The following NPEPPS variants were observed in gnomAD, a reference collection of about 807,000 sequenced individuals.
NPEPPS encodes the protein aminopeptidase puromycin sensitive.
In NPEPPS, 14 loss-of-function variants were observed where a neutral mutation model predicts 115.5. The ratio of observed to expected loss-of-function variants is 0.12; its 90% CI spans 0.08 to 0.19. The LOEUF is 0.19. Among genes scored for constraint, NPEPPS ranks in the 10% least tolerant of loss-of-function variants. The pLI is 1.00. For synonymous variants in NPEPPS, 285 were observed against 390.6 expected, an observed-to-expected ratio of 0.73 and a Z score of 3.19; for missense variants, 523 against 1,110.8, an observed-to-expected ratio of 0.47 and a Z score of 7.52.
At chr17:47,591,128 T>C (rs1220630922) in intron 10 of NPEPPS, among the ~76,000 whole-genome samples, 1 of 152,162 alleles carries the variant, frequency 6.6e-6, no homozygotes, top group Non-Finnish European at 1.5e-5. Context: ...TCCTAGCATT[T>C]TGGGAGGCTG....
intron 3 of NPEPPS, among the ~76,000 whole-genome samples, chr17:47,574,843 CAG>C (rs1416992324): frequency 6.6e-6 from 1 of 152,084 alleles, no homozygotes; most frequent in East Asian, 1.9e-4. Flanking sequence ...CCTCCTACCT[CAG>C]AGAGAGGATC....
In NPEPPS at chr17:47,618,387, G is replaced by C. The variant is rs771739427; in HGVS notation, c.2333G>C (p.Arg778Pro). 1 of 1,613,654 alleles carries C rather than the reference G, an allele frequency of 6.2e-7. No individual in the cohort carries two copies. The highest frequency in any genetic ancestry group is 8.5e-7 in the Non-Finnish European group (1 of 1,179,764). ...GCAGATATGCAAGAAGAGAAAAACC[G>C]AATCGAAAGAGTCCTTGGCGCTACT... ...KQADMQEEKN[R>P]IERVLGATLL... Residue 778 changes from arginine to proline, a missense_variant, in exon 20 of 23, where the codon CGA becomes CCA. By Grantham distance (103) the Arg-to-Pro change is moderately radical (BLOSUM62 -2). Coordinates refer to ENST00000322157, the MANE Select transcript of NPEPPS (RefSeq NM_006310.4).
At chr17:47,546,561 CAG>C (rs895291973) in intron 2 of NPEPPS, among the ~76,000 whole-genome samples, 7 of 151,696 alleles carry the variant, frequency 4.6e-5, no homozygotes. Context: ...TTTTTTGAGA[CAG>C]AGTCTTGCTC....
intron 1 of NPEPPS, among the ~76,000 whole-genome samples, chr17:47,523,704 T>G (rs1210307930): frequency 6.6e-6 from 1 of 152,124 alleles, no homozygotes; most frequent in Non-Finnish European, 1.5e-5. Context: ...ATTACAAGCA[T>G]GAACCACCAT....
intron 17 of NPEPPS, among the ~76,000 whole-genome samples, chr17:47,606,363 C>CTAA (rs1392288301): frequency 1.3e-5 from 2 of 152,008 alleles, no homozygotes; most frequent in Non-Finnish European, 2.9e-5. Flanking sequence ...TTATCATCTG[C>CTAA]TAATAACTAA....
intron 9 of NPEPPS, among the ~76,000 whole-genome samples, chr17:47,587,881 T>TC (rs1912287686): frequency 6.6e-6 from 1 of 151,404 alleles, no homozygotes; most frequent in Non-Finnish European, 1.5e-5. Flanking sequence ...TTCCAGCTGT[T>TC]CTGTTGAAAT....
At chr17:47,600,327 C>T (rs1015668575) in intron 14 of NPEPPS, among the ~76,000 whole-genome samples, 7 of 152,106 alleles carry the variant, frequency 4.6e-5, no homozygotes, top group African/African-American at 1.7e-4. Context: ...GTCCCTGCTA[C>T]TTGGGAGCCT....
chr17:47,524,871 G>T, intron 1 of NPEPPS, among the ~76,000 whole-genome samples: 1 of 139,954 alleles, frequency 7.1e-6, no homozygotes, highest in Non-Finnish European at 1.5e-5. Flanking sequence ...TTGAACTCTT[G>T]GCCTCAAGTC....
chr17:47,566,799 G>T (rs1910847341), intron 2 of NPEPPS, among the ~76,000 whole-genome samples: 1 of 152,132 alleles, frequency 6.6e-6, no homozygotes. Context: ...GCTAGGCCAG[G>T]CATGGTGGCT....
At position 47,569,539 on chromosome 17, in the gene NPEPPS, C is replaced by T. The variant is rs761880569; in HGVS notation, c.418+45C>T. ...TAAAATCTCGTGATGAATATAGTGA[C>T]ATCTGACTTCCTCCAGAGAAATTTA... On this transcript the variant is annotated intron_variant, in intron 3 of 22. Coordinates refer to ENST00000322157, the MANE Select transcript of NPEPPS (RefSeq NM_006310.4). 3.4e-5 allele frequency: 30 copies of T among 880,496 alleles called. No homozygotes were observed. The South Asian group carries it at 3.6e-4, about 11-fold the overall frequency. The allele number at this position is 880,496 out of a possible 1,614,324, so 54.5% of individuals were successfully genotyped here.
chr17:47,622,743 G>T lies in NPEPPS; in HGVS notation c.*823G>T. The T allele has an allele frequency of 5.0e-6, 2 of 398,936 alleles. No individual in the cohort carries two copies. Among genetic ancestry groups the T allele is most frequent in the Non-Finnish European group, 9.5e-6 (2 of 210,418 alleles). 24.7% of individuals were successfully genotyped at this position (398,936 alleles called of 1,614,324 possible). The stretch of plus-strand genomic sequence containing the variant: ...TTTTCTTTTTAAAGATGACTTATAA[G>T]AACCCTGAAATTTATATAGGTGAGA... On this transcript the variant is annotated 3_prime_UTR_variant, in exon 23 of 23. Transcript: ENST00000322157.
At chr17:47,592,798 T>C (rs1293102582) in intron 12 of NPEPPS, 9 of 353,344 alleles carry the variant, frequency 2.5e-5, no homozygotes, top group Non-Finnish European at 4.3e-5. Flanking sequence ...ATGTGCACAA[T>C]GTGCAGGTTT....
At chr17:47,534,358 C>A (rs930725741) in intron 1 of NPEPPS, among the ~76,000 whole-genome samples, 3 of 152,094 alleles carry the variant, frequency 2.0e-5, no homozygotes, top group Non-Finnish European at 4.4e-5. Context: ...GGATTACAGG[C>A]GTGAGCCACT....
intron 1 of NPEPPS, among the ~76,000 whole-genome samples, chr17:47,532,159 C>A (rs1374780076): frequency 1.3e-5 from 2 of 151,982 alleles, no homozygotes; most frequent in East Asian, 3.9e-4. Context: ...CTGCTCCAGC[C>A]CAGGGGCTGG....
chr17:47,603,630 C>A (rs993186945), intron 15 of NPEPPS: 2 of 261,160 alleles, frequency 7.7e-6, no homozygotes, highest in Non-Finnish European at 1.5e-5. Flanking sequence ...TTCTGTAAAC[C>A]TAAAATTGAG....
intron 18 of NPEPPS, among the ~76,000 whole-genome samples, chr17:47,613,291 A>C (rs528964400): frequency 3.4e-5 from 4 of 119,094 alleles, no homozygotes; most frequent in African/African-American, 1.3e-4. Flanking sequence ...TCTGAGACGG[A>C]GTCTCACTCT....
chr17:47,575,580 AATTATT>A (rs10646632), intron 3 of NPEPPS, among the ~76,000 whole-genome samples: 9,649 of 144,034 alleles, frequency 0.067, 405 homozygotes, highest in Middle Eastern at 0.19. Flanking sequence ...GACAATATTG[AATTATT>A]ATTATTATTA....
upstream of NPEPPS, among the ~76,000 whole-genome samples, chr17:47,528,833 A>G (rs1460487091): frequency 5.3e-5 from 8 of 151,716 alleles, no homozygotes; most frequent in African/African-American, 9.7e-5. Flanking sequence ...ACGGGATTTC[A>G]CCATGTTGGT....
At chr17:47,596,159 T>C in intron 12 of NPEPPS, 194 bp from the exon 13 acceptor site, 9 of 453,948 alleles carry the variant, frequency 2.0e-5, no homozygotes. Context: ...TCTCAAAAAA[T>C]ACCAGTTTTT....
Sources: allele counts gnomAD v4.1 joint callset (sites outside exome capture counted in the v4.1 genomes callset), GRCh38; gene constraint gnomAD v4.1.1; transcripts MANE v1.5; gene names NCBI Gene and HGNC (gene_info 2026-07-23, HGNC 2026-07-21).